Variants in BCKDHB observed in about 807,000 individuals in gnomAD.
BCKDHB encodes the protein branched chain keto acid dehydrogenase E1 subunit beta.
In BCKDHB, 41 loss-of-function variants were observed where a neutral mutation model predicts 48.5. The observed-to-expected ratio is 0.85, with a 90% CI of 0.66 to 1.10. The LOEUF is 1.10. Ranked by LOEUF, BCKDHB falls within the 50% of genes least tolerant of loss-of-function variation. The probability of loss-of-function intolerance (pLI) is 0.00; values close to 1 mark genes in which losing one functional copy is unlikely to be tolerated. For synonymous variants in BCKDHB, 201 were observed against 174.8 expected, an observed-to-expected ratio of 1.15 and a Z score of -1.18; for missense variants, 496 against 494.2, an observed-to-expected ratio of 1.00 and a Z score of -0.03.
chr6:80,368,519 A>G, the BCKDHB span, among the ~76,000 whole-genome samples: 1 of 152,212 alleles, frequency 6.6e-6, no homozygotes, highest in East Asian at 1.9e-4. Flanking sequence ...CAGGAAATAA[A>G]GTTTAGCCAT....
Position 80,343,723 on chromosome 6 carries a change from A to G in BCKDHB, c.1098A>G (p.Pro366=). ...CAAGAGTATGTGGTTATGACACACCATTTCCTCACATTTTTGAACCATTCT... is the reference window on the plus strand; with the variant it reads ...CAAGAGTATGTGGTTATGACACACCGTTTCCTCACATTTTTGAACCATTCT... ...PISRVCGYDT[P]FPHIFEPFYI... Residue 366 remains proline (P), a synonymous_variant, in exon 10 of 10, where the codon CCA becomes CCG. Transcript: ENST00000320393. The G allele has an allele frequency of 2.5e-6, 4 of 1,613,930 alleles. No homozygotes were observed. Among genetic ancestry groups the G allele is most frequent in the Non-Finnish European group, 3.4e-6 (4 of 1,179,876 alleles).
intron 3 of BCKDHB, among the ~76,000 whole-genome samples, chr6:80,133,869 C>T (rs1405285691): frequency 6.6e-6 from 1 of 152,128 alleles, no homozygotes; most frequent in African/African-American, 2.4e-5. Flanking sequence ...TCTCGAACTC[C>T]TGACCTCAGG....
intron 4 of BCKDHB, among the ~76,000 whole-genome samples, chr6:80,168,331 G>A (rs1293058528): frequency 6.7e-6 from 1 of 148,878 alleles, no homozygotes; most frequent in Non-Finnish European, 1.5e-5. Flanking sequence ...GAGGGGAGAG[G>A]GAAGAAGGGA....
At chr6:80,233,127 A>T (rs184923134) in intron 8 of BCKDHB, among the ~76,000 whole-genome samples, 4 of 152,188 alleles carry the variant, frequency 2.6e-5, no homozygotes, top group Non-Finnish European at 4.4e-5. Flanking sequence ...GGTATGAAAG[A>T]CTTTTTTGGA....
At chr6:80,447,559 T>C in the BCKDHB span, among the ~76,000 whole-genome samples, 260 of 151,966 alleles carry the variant, frequency 1.7e-3, 1 homozygote, top group Middle Eastern at 6.9e-3. Context: ...ACAATTAAGA[T>C]AATGAGCATA....
intron 8 of BCKDHB, among the ~76,000 whole-genome samples, chr6:80,239,832 T>C (rs1776305973): frequency 6.6e-6 from 1 of 152,188 alleles, no homozygotes; most frequent in Non-Finnish European, 1.5e-5. Flanking sequence ...GCTAGCCAGT[T>C]TTCCCAGCAC....
At chr6:80,199,149 G>A (rs1366471027) in intron 6 of BCKDHB, among the ~76,000 whole-genome samples, 1 of 152,074 alleles carries the variant, frequency 6.6e-6, no homozygotes, top group East Asian at 1.9e-4. Flanking sequence ...AACCTTAGCG[G>A]GGAAGAATGT....
At chr6:80,403,359 T>A in the BCKDHB span, among the ~76,000 whole-genome samples, 2 of 151,912 alleles carry the variant, frequency 1.3e-5, no homozygotes, top group Non-Finnish European at 2.9e-5. Flanking sequence ...TTGTAAAAAA[T>A]TGTTTTCTTA....
chr6:80,120,467 C>T (rs1204958177), intron 1 of BCKDHB, among the ~76,000 whole-genome samples: 1 of 152,114 alleles, frequency 6.6e-6, no homozygotes, highest in Non-Finnish European at 1.5e-5. Context: ...AACCAATTTA[C>T]ACTCCCACCA....
chr6:80,251,530 T>A (rs188784246), intron 8 of BCKDHB, among the ~76,000 whole-genome samples: 189 of 152,294 alleles, frequency 1.2e-3, no homozygotes, highest in Non-Finnish European at 1.1e-3. Context: ...GGGGTGTAAA[T>A]CATGTGTCTG....
At chr6:80,185,214 C>A (rs1773586318) in intron 6 of BCKDHB, among the ~76,000 whole-genome samples, 1 of 152,066 alleles carries the variant, frequency 6.6e-6, no homozygotes, top group African/African-American at 2.4e-5. Context: ...ATTGTTGAAA[C>A]TTTGCAGTGT....
the BCKDHB span, among the ~76,000 whole-genome samples, chr6:80,432,186 T>C: frequency 6.6e-6 from 1 of 152,170 alleles, no homozygotes; most frequent in Non-Finnish European, 1.5e-5. Flanking sequence ...GTTGCTCTTC[T>C]TGAGGTGTTC....
intron 3 of BCKDHB, among the ~76,000 whole-genome samples, chr6:80,136,613 C>A (rs545694838): frequency 6.6e-6 from 1 of 151,798 alleles, no homozygotes; most frequent in East Asian, 1.9e-4. Context: ...TGGACTGCAT[C>A]GAAATTAAAA....
chr6:80,455,975 A>G, the BCKDHB span, among the ~76,000 whole-genome samples: 3 of 152,168 alleles, frequency 2.0e-5, no homozygotes, highest in Non-Finnish European at 4.4e-5. Flanking sequence ...CTGTAATCCC[A>G]GCACTTTGGG....
chr6:80,341,260 C>G (rs1432513559), intron 9 of BCKDHB, among the ~76,000 whole-genome samples: 1 of 152,150 alleles, frequency 6.6e-6, no homozygotes, highest in Non-Finnish European at 1.5e-5. Flanking sequence ...TGTAAAATCA[C>G]AAATTTATGT....
chr6:80,229,957 T>A (rs1305553446), intron 8 of BCKDHB, among the ~76,000 whole-genome samples: 1 of 151,460 alleles, frequency 6.6e-6, no homozygotes, highest in Admixed American at 6.6e-5. Flanking sequence ...TTCTTAGGTA[T>A]TCTTAAACAG....
chr6:80,252,079 TGGTTGGG>T (rs1412320928), intron 8 of BCKDHB, among the ~76,000 whole-genome samples: 1 of 152,200 alleles, frequency 6.6e-6, no homozygotes, highest in African/African-American at 2.4e-5. Context: ...CTTTACTACT[TGGTTGGG>T]TGTTATTACT....
At chr6:80,428,508 T>A in the BCKDHB span, among the ~76,000 whole-genome samples, 1 of 152,188 alleles carries the variant, frequency 6.6e-6, no homozygotes, top group Non-Finnish European at 1.5e-5. Context: ...AGTGTTCCTA[T>A]TTCTCCACAT....
chr6:80,211,777 GAAAT>G (rs1774945424), intron 8 of BCKDHB, among the ~76,000 whole-genome samples: 1 of 152,094 alleles, frequency 6.6e-6, no homozygotes, highest in Non-Finnish European at 1.5e-5. Flanking sequence ...GGCTGGCTGA[GAAAT>G]AAAGAGAAAG....
Sources: allele counts gnomAD v4.1 joint callset (sites outside exome capture counted in the v4.1 genomes callset), GRCh38; gene constraint gnomAD v4.1.1; transcripts MANE v1.5; gene names NCBI Gene and HGNC (gene_info 2026-07-23, HGNC 2026-07-21).